The following KCND2 variants were observed in gnomAD, a reference collection of about 807,000 sequenced individuals.
KCND2 encodes the protein A-type voltage-gated potassium channel KCND2.
Under a neutral mutation model 54.4 loss-of-function variants are expected in KCND2, and 16 were observed. The observed-to-expected ratio is 0.29, with a 90% CI of 0.20 to 0.45. KCND2 has a LOEUF of 0.45. Ranked by LOEUF, KCND2 falls within the 20% of genes least tolerant of loss-of-function variation. The pLI is 1.00. For synonymous variants in KCND2, 317 were observed against 310.7 expected (o/e 1.02, Z -0.21); for missense variants, 486 against 824.2 (o/e 0.59, Z 5.02).
intron 1 of KCND2, among the ~76,000 whole-genome samples, chr7:120,543,613 G>A (rs1792009242): frequency 6.6e-6 from 1 of 151,974 alleles, no homozygotes; most frequent in African/African-American, 2.4e-5. Context: ...ATGTAACATT[G>A]TCTTACTGTG....
At chr7:120,445,336 T>C (rs1802004629) in intron 1 of KCND2, among the ~76,000 whole-genome samples, 1 of 152,186 alleles carries the variant, frequency 6.6e-6, no homozygotes, top group South Asian at 2.1e-4. Context: ...ATGGACTACA[T>C]AGAAATTCAA....
intron 1 of KCND2, among the ~76,000 whole-genome samples, chr7:120,472,402 C>T (rs978444631): frequency 2.0e-5 from 3 of 152,012 alleles, no homozygotes; most frequent in Non-Finnish European, 4.4e-5. Context: ...ATTTAGAGCT[C>T]ATTGTGCTAT....
chr7:120,387,952 G>A lies in KCND2; in HGVS notation c.1115+112205G>A, dbSNP rs73722589. 4.6e-3 allele frequency among the ~76,000 whole-genome samples: 695 copies of A among 152,068 alleles called. 6 individuals carry two copies. Among genetic ancestry groups the A allele is most frequent in the African/African-American group, 0.015 (639 of 41,518 alleles). ...ATATAATCAAAGGAAGATTCTTAGG[G>A]CAAAACTCTGATACAATTTTGTAAA... is the stretch of plus-strand genomic sequence containing the variant. On this transcript the variant is annotated intron_variant, in intron 1 of 5. Coordinates refer to ENST00000331113, the MANE Select transcript of KCND2 (RefSeq NM_012281.3).
intron 1 of KCND2, among the ~76,000 whole-genome samples, chr7:120,547,174 T>C (rs1792051452): frequency 6.6e-6 from 1 of 151,970 alleles, no homozygotes; most frequent in Admixed American, 6.6e-5. Context: ...TAAATTTTCC[T>C]TCTGTTAAAT....
At chr7:120,315,765 AGTGTGTGTGT>A (rs59537613) in intron 1 of KCND2, among the ~76,000 whole-genome samples, 13,102 of 137,462 alleles carry the variant, frequency 0.095, 651 homozygotes, top group African/African-American at 0.11. Context: ...TTCCATAAGC[AGTGTGTGTGT>A]GTGTGTGTGT....
chr7:120,366,158 G>A (rs1800675186), intron 1 of KCND2, among the ~76,000 whole-genome samples: 1 of 151,908 alleles, frequency 6.6e-6, no homozygotes, highest in Admixed American at 6.6e-5. Flanking sequence ...ATACAAGCAG[G>A]GTAGTGTGTA....
intron 1 of KCND2, among the ~76,000 whole-genome samples, chr7:120,500,305 A>G (rs759216540): frequency 6.6e-6 from 1 of 152,180 alleles, no homozygotes; most frequent in Non-Finnish European, 1.5e-5. Context: ...CTTAGCATAT[A>G]ATCTTCACCA....
intron 1 of KCND2, among the ~76,000 whole-genome samples, chr7:120,306,500 A>G (rs770663770): frequency 4.6e-5 from 7 of 152,074 alleles, no homozygotes; most frequent in Non-Finnish European, 1.0e-4. Context: ...GGAATACCCC[A>G]AAAATGATTC....
intron 1 of KCND2, among the ~76,000 whole-genome samples, chr7:120,389,897 A>G (rs1801047122): frequency 1.3e-5 from 2 of 151,948 alleles, no homozygotes; most frequent in Admixed American, 6.6e-5. Flanking sequence ...AAATGGAGTC[A>G]TAAGAAACTC....
chr7:120,366,221 A>T (rs1800675847), intron 1 of KCND2, among the ~76,000 whole-genome samples: 1 of 152,118 alleles, frequency 6.6e-6, no homozygotes, highest in African/African-American at 2.4e-5. Flanking sequence ...ACAGTGGCTT[A>T]CACCTGTAAC....
chr7:120,316,695 T>C (rs559923773), intron 1 of KCND2, among the ~76,000 whole-genome samples: 9 of 152,316 alleles, frequency 5.9e-5, no homozygotes, highest in African/African-American at 1.9e-4. Flanking sequence ...AAGACTAAAC[T>C]AAGCCTTTAA....
chr7:120,280,970 G>A (rs1017869657), intron 1 of KCND2, among the ~76,000 whole-genome samples: 4 of 152,040 alleles, frequency 2.6e-5, no homozygotes, highest in African/African-American at 9.7e-5. Flanking sequence ...TATTCAAACA[G>A]CACTGGGGTT....
intron 1 of KCND2, among the ~76,000 whole-genome samples, chr7:120,521,174 A>AT (rs1160081621): frequency 3.3e-5 from 5 of 152,174 alleles, no homozygotes; most frequent in Non-Finnish European, 7.4e-5. Flanking sequence ...GCACCACAGC[A>AT]TAAAAATACT....
intron 1 of KCND2, among the ~76,000 whole-genome samples, chr7:120,450,458 A>G (rs1306596913): frequency 6.6e-6 from 1 of 152,138 alleles, no homozygotes; most frequent in Non-Finnish European, 1.5e-5. Flanking sequence ...TGGAGTGGAA[A>G]AGGAGAGGGG....
intron 1 of KCND2, among the ~76,000 whole-genome samples, chr7:120,628,252 A>G (rs1793186519): frequency 6.6e-6 from 1 of 152,230 alleles, no homozygotes; most frequent in Admixed American, 6.5e-5. Context: ...TCGTGAGTTG[A>G]GGACAGTAAG....
intron 1 of KCND2, among the ~76,000 whole-genome samples, chr7:120,335,355 CAA>C (rs35404512): frequency 2.5e-3 from 144 of 58,366 alleles, no homozygotes; most frequent in East Asian, 0.019. Flanking sequence ...AAGACTCTAT[CAA>C]AAAAAAAAAA....
chr7:120,628,328 G>A (rs1793187101), intron 1 of KCND2, among the ~76,000 whole-genome samples: 1 of 152,160 alleles, frequency 6.6e-6, no homozygotes, highest in African/African-American at 2.4e-5. Context: ...GAGCAGCCAG[G>A]TCACTTTTGG....
At chr7:120,607,177 G>A (rs1030700472) in intron 1 of KCND2, among the ~76,000 whole-genome samples, 1 of 95,896 alleles carries the variant, frequency 1.0e-5, no homozygotes, top group Admixed American at 1.2e-4. Context: ...TTTTTCTTAT[G>A]CAGATTAAGG....
intron 1 of KCND2, among the ~76,000 whole-genome samples, chr7:120,478,710 T>C (rs556326051): frequency 1.3e-5 from 2 of 152,208 alleles, no homozygotes; most frequent in East Asian, 3.9e-4. Flanking sequence ...TACTAACAAT[T>C]CATATGCCTG....
Sources: gnomAD v4.1 joint callset for allele counts (sites outside exome capture counted in the v4.1 genomes callset) on GRCh38, gnomAD v4.1.1 for gene constraint, MANE v1.5 for transcripts, NCBI Gene and HGNC (gene_info 2026-07-23, HGNC 2026-07-21) for gene names.